Variants in PDCD2L observed in about 807,000 individuals in gnomAD.
PDCD2L encodes uS5 assembly chaperone PDCD2L.
Under a neutral mutation model 40.4 loss-of-function variants are expected in PDCD2L, and 44 were observed. The observed-to-expected ratio is 1.09, with a 90% CI of 0.86 to 1.40. PDCD2L has a LOEUF of 1.40. PDCD2L is among the 40% of genes most tolerant of loss of function. The pLI is 0.00. For synonymous variants in PDCD2L, 194 were observed against 174.6 expected, an observed-to-expected ratio of 1.11 and a Z score of -0.88; for missense variants, 470 against 453.7, an observed-to-expected ratio of 1.04 and a Z score of -0.33.
At chr19:34,413,522 A>G (rs1372766127) in intron 4 of PDCD2L, among the ~76,000 whole-genome samples, 3 of 151,454 alleles carry the variant, frequency 2.0e-5, no homozygotes, top group Non-Finnish European at 4.4e-5. Context: ...ATTTTTTAGT[A>G]GAGATGGGGT....
chr19:34,422,865 G>C (rs527335309), intron 6 of PDCD2L, among the ~76,000 whole-genome samples: 1 of 151,708 alleles, frequency 6.6e-6, no homozygotes. Context: ...ACAGGCGCCC[G>C]CAACCAAGCC....
At chr19:34,415,625 A>G (rs140915582) in intron 5 of PDCD2L, among the ~76,000 whole-genome samples, 91 of 152,330 alleles carry the variant, frequency 6.0e-4, no homozygotes, top group Middle Eastern at 3.4e-3. Context: ...ACCACAGTGA[A>G]TCTAAAAGCT....
At position 34,426,011 on chromosome 19, in the gene PDCD2L, C is replaced by G. The variant is rs1482199906; in HGVS notation, c.968C>G (p.Thr323Arg). The change falls in exon 7 of 7, where the codon ACA (threonine) becomes AGA (arginine). Residue 323 changes from threonine to arginine, a missense_variant. Physicochemically the swap from Thr to Arg is moderately conservative, Grantham distance 71 (BLOSUM62 -1). Transcript: ENST00000246535. Reference sequence around the variant, plus strand: ...TCAGGTCTTTCTGTGGAATTTGGAACAATTCTAGTTTACACATGTGAGAAG... The same window carrying G: ...TCAGGTCTTTCTGTGGAATTTGGAAGAATTCTAGTTTACACATGTGAGAAG... ...ANLGLSVEFG[T>R]ILVYTCEKSC... is the part of the protein sequence containing the mutation. 1.2e-6 allele frequency: 2 copies of G among 1,612,178 alleles called. No homozygotes were observed. Among genetic ancestry groups the G allele is most frequent in the Non-Finnish European group, 8.5e-7 (1 of 1,179,224 alleles).
Position 34,404,816 on chromosome 19 carries a change from G to A in PDCD2L, c.275+1G>A. 3 of 1,603,060 alleles carry A rather than the reference G, an allele frequency of 1.9e-6. No individual in the cohort carries two copies. The highest frequency in any genetic ancestry group is 2.6e-6 in the Non-Finnish European group (3 of 1,176,364). On this transcript the variant is annotated splice_donor_variant, in intron 2 of 6. Transcript: ENST00000246535. LOFTEE classifies it high-confidence loss of function. ...GCTGTAGCACCGGCGGTGCGCGCAG[G>A]TAGGCGGGGAAGTCCCAGAGCTGCT...
intron 5 of PDCD2L, among the ~76,000 whole-genome samples, chr19:34,419,773 C>CTTTATTT (rs1555724973): frequency 1.1e-4 from 4 of 36,630 alleles, no homozygotes; most frequent in Non-Finnish European, 1.4e-4. Context: ...CTTTATGTTG[C>CTTTATTT]TTTTTTTTTT....
chr19:34,409,369 T>G lies in PDCD2L; in HGVS notation c.545T>G (p.Leu182Arg), dbSNP rs2075091914. Reference sequence around the variant, plus strand: ...GCTGCCCATCCTGTGCCTCCTGGGCTGCCGCTCTTCCTGCCCTACTACATC... The same window carrying G: ...GCTGCCCATCCTGTGCCTCCTGGGCGGCCGCTCTTCCTGCCCTACTACATC... ...LGAAHPVPPG[L>R]PLFLPYYICV... The change falls in exon 4 of 7, where the codon CTG (leucine) becomes CGG (arginine). Residue 182 changes from leucine to arginine, a missense_variant. Physicochemically the swap from Leu to Arg is moderately radical, Grantham distance 102. Transcript: ENST00000246535. 6.2e-7 allele frequency: 1 copy of G among 1,613,948 alleles called. No homozygotes were observed. The highest frequency in any genetic ancestry group is 1.3e-5 in the African/African-American group (1 of 74,890).
Position 34,404,923 on chromosome 19 carries a change from C to G in PDCD2L, c.276-7C>G, listed in dbSNP as rs758354370. 18 of 1,613,940 alleles carry G rather than the reference C, an allele frequency of 1.1e-5. No homozygotes were observed. In the South Asian group the frequency reaches 1.3e-4, roughly 12 times the overall value. On this transcript the variant is annotated splice_region_variant and splice_polypyrimidine_tract_variant and intron_variant, in intron 2 of 6. Transcript: ENST00000246535. ...AGCCCTCACGGCCCTTTGTCTTCAC[C>G]CCGAAGCTGGAAGGTGTTCCGCTCC...
chr19:34,415,943 C>T (rs759635650), intron 5 of PDCD2L, among the ~76,000 whole-genome samples: 4 of 152,044 alleles, frequency 2.6e-5, no homozygotes, highest in Non-Finnish European at 2.9e-5. Flanking sequence ...TTTTCGGAAA[C>T]GGAATCTGTC....
In PDCD2L at chr19:34,404,994, A is replaced by G. The variant is rs2075067262; in HGVS notation, c.336+4A>G. Reference sequence around the variant, plus strand: ...GAGAGAGGCGCAGGACGCTCAGGTAAAGGTTGTGATTGGCATGTTATTGTT... The same window carrying G: ...GAGAGAGGCGCAGGACGCTCAGGTAGAGGTTGTGATTGGCATGTTATTGTT... On this transcript the variant is annotated splice_donor_region_variant and intron_variant, in intron 3 of 6. Coordinates refer to ENST00000246535, the MANE Select transcript of PDCD2L (RefSeq NM_032346.2). 1.2e-6 allele frequency: 2 copies of G among 1,613,964 alleles called. No homozygotes were observed. The highest frequency in any genetic ancestry group is 2.7e-5 in the African/African-American group (2 of 74,916).
intron 6 of PDCD2L, among the ~76,000 whole-genome samples, chr19:34,424,254 G>C (rs2075165783): frequency 6.6e-6 from 1 of 151,854 alleles, no homozygotes; most frequent in African/African-American, 2.4e-5. Flanking sequence ...TATGAGGGTG[G>C]TCTGATTTTT....
chr19:34,404,565 C>T (rs752949592), intron 1 of PDCD2L, 27 bp downstream of exon 1: 5 of 1,566,030 alleles, frequency 3.2e-6, no homozygotes, highest in Non-Finnish European at 3.4e-6. Context: ...GAGCTGGGGT[C>T]GATGGGTGCT....
chr19:34,409,524 C>T lies in PDCD2L; in HGVS notation c.686+14C>T. On this transcript the variant is annotated intron_variant, in intron 4 of 6. Coordinates refer to ENST00000246535, the MANE Select transcript of PDCD2L (RefSeq NM_032346.2). ...GCTTTCCCAAAGGTGAGGATGTGTG[C>T]TGCTGAGGTTGAGAGGTGACTGGAT... 6.2e-7 allele frequency: 1 copy of T among 1,604,366 alleles called. No individual in the cohort carries two copies. Among genetic ancestry groups the T allele is most frequent in the Middle Eastern group, 1.8e-4 (1 of 5,440 alleles).
Position 34,409,110 on chromosome 19 carries a change from G to A in PDCD2L, c.337-51G>A, listed in dbSNP as rs755245515. 2.6e-6 allele frequency: 4 copies of A among 1,548,078 alleles called. No homozygotes were observed. In the Admixed American group the frequency reaches 5.2e-5, roughly 20 times the overall value. On this transcript the variant is annotated intron_variant, in intron 3 of 6. Coordinates refer to ENST00000246535, the MANE Select transcript of PDCD2L (RefSeq NM_032346.2). ...GTGGGTGGCTGGAGCCGAAGGATTA[G>A]AATAAACCTCCCAAATGTGCTCGGA... is the stretch of plus-strand genomic sequence containing the variant.
chr19:34,422,380 GTA>G (rs1249212666), intron 6 of PDCD2L: 1 of 151,758 alleles, frequency 6.6e-6, no homozygotes, highest in Admixed American at 6.6e-5. Flanking sequence ...TGTATTTTTT[GTA>G]GAGACAAGGT....
In PDCD2L at chr19:34,404,686, G is replaced by A. The variant is rs778664700; in HGVS notation, c.146G>A (p.Cys49Tyr). The A allele has an allele frequency of 1.2e-6, 2 of 1,612,086 alleles. No individual in the cohort carries two copies. Among genetic ancestry groups the A allele is most frequent in the African/African-American group, 1.3e-5 (1 of 74,926 alleles). Residue 49 changes from cysteine to tyrosine, a missense_variant, in exon 2 of 7, where the codon TGT becomes TAT. By Grantham distance (194) the Cys-to-Tyr change is radical. Coordinates refer to ENST00000246535, the MANE Select transcript of PDCD2L (RefSeq NM_032346.2). Reference protein sequence around the residue: ...LPTVAAPRPVCQRCGQPLALV... With the variant: ...LPTVAAPRPVYQRCGQPLALV... ...ACCGTGGCTGCGCCCAGGCCCGTGT[G>A]TCAGCGCTGCGGGCAGCCGCTCGCT...
At chr19:34,424,339 A>C (rs2075166075) in intron 6 of PDCD2L, among the ~76,000 whole-genome samples, 1 of 152,136 alleles carries the variant, frequency 6.6e-6, no homozygotes, top group Non-Finnish European at 1.5e-5. Flanking sequence ...TAGCAACCTC[A>C]GTTCTTGCCT....
intron 3 of PDCD2L, among the ~76,000 whole-genome samples, chr19:34,407,798 A>G (rs1480631030): frequency 2.6e-5 from 4 of 152,226 alleles, no homozygotes; most frequent in Admixed American, 2.6e-4. Flanking sequence ...CTATATATGT[A>G]TTAACACATT....
In PDCD2L at chr19:34,404,448, G is replaced by A. The variant is rs112437033; in HGVS notation, c.18G>A (p.Lys6=). The change falls in exon 1 of 7, where the codon AAG becomes AAA. Residue 6 remains lysine (K), a synonymous_variant. Coordinates refer to ENST00000246535, the MANE Select transcript of PDCD2L (RefSeq NM_032346.2). The part of the protein sequence containing the change: MAAVL[K]PVLLGLRDAP... ...CGGCGGCCATGGCGGCCGTTCTGAA[G>A]CCGGTGCTGCTGGGCCTTCGAGATG... 3.9e-6 allele frequency: 6 copies of A among 1,544,360 alleles called. No homozygotes were observed. The highest frequency in any genetic ancestry group is 4.9e-5 in the East Asian group (2 of 40,876).
intron 4 of PDCD2L, 78 bp downstream of exon 4, chr19:34,409,588 C>T (rs1599870242): frequency 2.3e-6 from 3 of 1,328,980 alleles, no homozygotes; most frequent in East Asian, 4.6e-5. Context: ...AGTTTCACCA[C>T]AGGACCTGGG....
Sources: gnomAD v4.1 joint callset for allele counts (sites outside exome capture counted in the v4.1 genomes callset) on GRCh38, gnomAD v4.1.1 for gene constraint, MANE v1.5 for transcripts, NCBI Gene and HGNC (gene_info 2026-07-23, HGNC 2026-07-21) for gene names.